Variants in CACNA1A observed in about 807,000 individuals in gnomAD.
CACNA1A encodes the protein calcium voltage-gated channel subunit alpha1 A, also known as voltage-dependent P/Q-type calcium channel subunit alpha-1A.
In CACNA1A, 57 loss-of-function variants were observed where a neutral mutation model predicts 262.4. The observed-to-expected ratio is 0.22, with a 90% CI of 0.18 to 0.27. The LOEUF (loss-of-function observed/expected upper bound fraction) is 0.27. Among genes scored for constraint, CACNA1A ranks in the 10% least tolerant of loss-of-function variants. The pLI is 1.00. For missense variants in CACNA1A, 2,526 were observed against 3,562.8 expected (o/e 0.71, Z 7.41); for synonymous variants, 1,431 against 1,419.3 (o/e 1.01, Z -0.18).
At chr19:13,469,907 G>A (rs373085751) in intron 1 of CACNA1A, among the ~76,000 whole-genome samples, 1 of 151,886 alleles carries the variant, frequency 6.6e-6, no homozygotes, top group Non-Finnish European at 1.5e-5. Context: ...TGATTATATC[G>A]CACTTTCTTG....
At chr19:13,504,860 T>C (rs1327650641) in intron 1 of CACNA1A, among the ~76,000 whole-genome samples, 1 of 152,170 alleles carries the variant, frequency 6.6e-6, no homozygotes, top group African/African-American at 2.4e-5. Flanking sequence ...CCTCAAGGTT[T>C]ATTTCAAGCA....
intron 3 of CACNA1A, among the ~76,000 whole-genome samples, chr19:13,441,073 A>C (rs544933766): frequency 6.6e-6 from 1 of 152,276 alleles, no homozygotes; most frequent in South Asian, 2.1e-4. Flanking sequence ...TTGGCTTCCC[A>C]AAGTGTTTGG....
intron 1 of CACNA1A, among the ~76,000 whole-genome samples, chr19:13,471,330 T>C (rs1460979706): frequency 6.6e-6 from 1 of 152,132 alleles, no homozygotes; most frequent in Non-Finnish European, 1.5e-5. Context: ...TTCCATTCCC[T>C]CCCTAATCCC....
chr19:13,393,379 T>C (rs571993248), intron 3 of CACNA1A, among the ~76,000 whole-genome samples: 4 of 152,300 alleles, frequency 2.6e-5, no homozygotes, highest in South Asian at 4.1e-4. Flanking sequence ...TATGACCCCA[T>C]GTGCTTAAAG....
chr19:13,415,316 C>T (rs1332812527), intron 3 of CACNA1A, among the ~76,000 whole-genome samples: 1 of 152,038 alleles, frequency 6.6e-6, no homozygotes, highest in African/African-American at 2.4e-5. Flanking sequence ...TTTTTCTCAG[C>T]CCATTCTGTG....
intron 3 of CACNA1A, among the ~76,000 whole-genome samples, chr19:13,445,902 TGG>T (rs2060801604): frequency 1.3e-5 from 2 of 152,190 alleles, no homozygotes; most frequent in African/African-American, 2.4e-5. Context: ...GTAAACACCG[TGG>T]TGGTCCACAC....
intron 18 of CACNA1A, 123 bp downstream of exon 18, chr19:13,300,427 G>C: frequency 2.9e-6 from 2 of 701,658 alleles, no homozygotes; most frequent in Non-Finnish European, 5.2e-6. Flanking sequence ...GGAAGGACAA[G>C]AAGTGTCTCT....
intron 1 of CACNA1A, among the ~76,000 whole-genome samples, chr19:13,482,453 C>T (rs550972309): frequency 6.6e-6 from 1 of 150,454 alleles, no homozygotes; most frequent in Non-Finnish European, 1.5e-5. Context: ...ACTGCACTCC[C>T]GCTTGGGTGA....
At chr19:13,461,352 AAAC>A (rs1057438519) in intron 1 of CACNA1A, among the ~76,000 whole-genome samples, 4 of 151,644 alleles carry the variant, frequency 2.6e-5, no homozygotes. Flanking sequence ...AAACAAAACA[AAAC>A]AAAACAAAAC....
rs763364677 is a variant in CACNA1A at position 13,230,067 on chromosome 19, G to A, written c.5528+15C>T. ...GGTGAGTATTGTGGCTGGAGGATTC[G>A]GGGTGACTTCTTACCAAGCTGCGGG... On this transcript the variant is annotated intron_variant, in intron 36 of 46. Coordinates refer to ENST00000360228, the MANE Select transcript of CACNA1A (RefSeq NM_001127222.2). 1.9e-5 allele frequency: 30 copies of A among 1,611,566 alleles called. No homozygotes were observed. The highest frequency in any genetic ancestry group is 4.0e-5 in the African/African-American group (3 of 74,840).
intron 46 of CACNA1A, among the ~76,000 whole-genome samples, chr19:13,208,527 G>A (rs2054664784): frequency 6.7e-6 from 1 of 150,210 alleles, no homozygotes; most frequent in South Asian, 2.1e-4. Flanking sequence ...CGGGGAGGGG[G>A]CGGCGGGTGG....
intron 3 of CACNA1A, among the ~76,000 whole-genome samples, chr19:13,410,956 T>A (rs2060099992): frequency 6.6e-6 from 1 of 152,106 alleles, no homozygotes; most frequent in African/African-American, 2.4e-5. Flanking sequence ...CTGGGCTCAG[T>A]CCTGGGTGCT....
chr19:13,217,096 A>T (rs2055040977), intron 38 of CACNA1A, among the ~76,000 whole-genome samples: 1 of 152,172 alleles, frequency 6.6e-6, no homozygotes, highest in Admixed American at 6.6e-5. Context: ...AGACTGCGCC[A>T]CTGCACTCCA....
intron 18 of CACNA1A, among the ~76,000 whole-genome samples, chr19:13,299,744 G>GC (rs1014713673): frequency 1.3e-5 from 2 of 152,096 alleles, no homozygotes; most frequent in South Asian, 4.2e-4. Context: ...CCTTCCCCAG[G>GC]CCCCCCAGTG....
chr19:13,457,725 T>C (rs7248715), intron 1 of CACNA1A, among the ~76,000 whole-genome samples: 25,693 of 151,824 alleles, frequency 0.17, 2,604 homozygotes, highest in East Asian at 0.37. Flanking sequence ...TGGTGGCGCA[T>C]GCCTGTAATC....
intron 46 of CACNA1A, 148 bp from the exon 47 acceptor site, chr19:13,208,201 AGAG>A: frequency 1.1e-5 from 1 of 91,722 alleles, no homozygotes; most frequent in Non-Finnish European, 2.0e-5. Context: ...GAGGAGGAGG[AGAG>A]GGGGGACACA....
At chr19:13,220,546 G>GGGA (rs2055182309) in intron 38 of CACNA1A, among the ~76,000 whole-genome samples, 1 of 152,180 alleles carries the variant, frequency 6.6e-6, no homozygotes, top group African/African-American at 2.4e-5. Context: ...AGATCCTCCA[G>GGGA]AGAGGAGCCC....
At chr19:13,473,265 A>AAAG (rs1017237772) in intron 1 of CACNA1A, among the ~76,000 whole-genome samples, 3 of 151,772 alleles carry the variant, frequency 2.0e-5, no homozygotes, top group African/African-American at 7.3e-5. Context: ...AAAAAAAAAA[A>AAAG]AGAGAGAGAG....
Position 13,452,931 on chromosome 19 carries a change from C to T in CACNA1A, c.484G>A (p.Gly162Ser). The T allele has an allele frequency of 1.9e-6, 3 of 1,613,974 alleles. No homozygotes were observed. Among genetic ancestry groups the T allele is most frequent in the Non-Finnish European group, 2.5e-6 (3 of 1,179,830 alleles). Residue 162 changes from glycine to serine, a missense_variant, in exon 3 of 47, where the codon GGC becomes AGC. Coordinates refer to ENST00000360228, the MANE Select transcript of CACNA1A (RefSeq NM_001127222.2). ...IIALGFAFHK[G>S]SYLRNGWNVM... is the part of the protein sequence containing the mutation. ...TTCCAGCCATTCCTCAAGTAGGAGCCTTTGTGGAAGGCAAACCCAAGGGCA... is the reference window on the plus strand; with the variant it reads ...TTCCAGCCATTCCTCAAGTAGGAGCTTTTGTGGAAGGCAAACCCAAGGGCA...
Sources: allele counts gnomAD v4.1 joint callset (sites outside exome capture counted in the v4.1 genomes callset), GRCh38; gene constraint gnomAD v4.1.1; transcripts MANE v1.5; gene names NCBI Gene and HGNC (gene_info 2026-07-23, HGNC 2026-07-21).